CNTN5: variants seen among roughly 807,000 people sequenced by gnomAD.
CNTN5 encodes the protein contactin 5, also known as contactin-5.
In CNTN5, 77 loss-of-function variants were observed where a neutral mutation model predicts 129.1. The ratio of observed to expected loss-of-function variants is 0.60; its 90% confidence interval spans 0.50 to 0.72. The LOEUF is 0.72. Among genes scored for constraint, CNTN5 ranks in the 30% least tolerant of loss-of-function variants. The pLI, the probability that CNTN5 is intolerant of heterozygous loss-of-function variation, is 0.00. For synonymous variants in CNTN5, 509 were observed against 465.6 expected, an observed-to-expected ratio of 1.09 and a Z score of -1.20; for missense variants, 1,478 against 1,328.8, an observed-to-expected ratio of 1.11 and a Z score of -1.75.
intron 13 of CNTN5, among the ~76,000 whole-genome samples, chr11:100,132,905 A>G (rs1946418669): frequency 6.6e-6 from 1 of 152,110 alleles, no homozygotes; most frequent in South Asian, 2.1e-4. Flanking sequence ...GTGTTTTTGA[A>G]TTATGATTTG....
intron 18 of CNTN5, among the ~76,000 whole-genome samples, chr11:100,294,469 A>G (rs1286183960): frequency 6.6e-6 from 1 of 151,722 alleles, no homozygotes; most frequent in Non-Finnish European, 1.5e-5. Flanking sequence ...CAATTACATT[A>G]TCCACTAATG....
intron 3 of CNTN5, among the ~76,000 whole-genome samples, chr11:99,743,365 T>C (rs1482738733): frequency 6.6e-6 from 1 of 152,172 alleles, no homozygotes; most frequent in Non-Finnish European, 1.5e-5. Context: ...AGCATAATTT[T>C]GCTATTTGTC....
chr11:99,107,664 G>T (rs1867062000), intron 1 of CNTN5, among the ~76,000 whole-genome samples: 1 of 152,038 alleles, frequency 6.6e-6, no homozygotes, highest in Admixed American at 6.6e-5. Context: ...GGGCGCAGTG[G>T]CTCACACCTG....
chr11:99,796,649 C>T (rs1335271375), intron 3 of CNTN5, among the ~76,000 whole-genome samples: 2 of 151,612 alleles, frequency 1.3e-5, no homozygotes, highest in Non-Finnish European at 1.5e-5. Flanking sequence ...AGACAGGGGG[C>T]TGCTCTGGTA....
chr11:100,106,772 AAAT>A (rs928166422), intron 13 of CNTN5, among the ~76,000 whole-genome samples: 8 of 152,190 alleles, frequency 5.3e-5, no homozygotes, highest in South Asian at 4.1e-4. Flanking sequence ...GGACAAGAAG[AAAT>A]AATAATAATA....
chr11:99,856,256 T>C (rs956417280), intron 6 of CNTN5, among the ~76,000 whole-genome samples: 2 of 152,228 alleles, frequency 1.3e-5, no homozygotes, highest in East Asian at 3.9e-4. Flanking sequence ...ACAAGTCATC[T>C]TCTGCTTTTT....
chr11:99,657,560 A>G (rs561586852), intron 3 of CNTN5, among the ~76,000 whole-genome samples: 70 of 152,276 alleles, frequency 4.6e-4, no homozygotes, highest in African/African-American at 1.6e-3. Context: ...TTTATTTAAA[A>G]AAATATTTTA....
chr11:99,075,856 T>C (rs967700281), intron 1 of CNTN5, among the ~76,000 whole-genome samples: 2 of 152,186 alleles, frequency 1.3e-5, no homozygotes, highest in African/African-American at 4.8e-5. Context: ...TATTTTTATA[T>C]TTCCAAAAAA....
chr11:99,696,928 G>A (rs2134833798), intron 3 of CNTN5, among the ~76,000 whole-genome samples: 1 of 151,758 alleles, frequency 6.6e-6, no homozygotes, highest in African/African-American at 2.4e-5. Context: ...TAAAGACTAT[G>A]GATTAAAAAC....
intron 3 of CNTN5, among the ~76,000 whole-genome samples, chr11:99,610,289 T>C (rs1326182746): frequency 1.3e-5 from 2 of 152,136 alleles, no homozygotes; most frequent in African/African-American, 4.8e-5. Flanking sequence ...ATATCACTGA[T>C]GTAATGGCCT....
chr11:100,285,745 C>A (rs1950767643), intron 18 of CNTN5, among the ~76,000 whole-genome samples: 1 of 152,132 alleles, frequency 6.6e-6, no homozygotes, highest in Non-Finnish European at 1.5e-5. Flanking sequence ...AGGAAAAATA[C>A]TGAGGAGCCA....
At chr11:99,579,012 G>T (rs578237748) in intron 3 of CNTN5, among the ~76,000 whole-genome samples, 88 of 151,994 alleles carry the variant, frequency 5.8e-4, no homozygotes, top group African/African-American at 1.4e-3. Flanking sequence ...TTTGTATAAG[G>T]TGTAAGGAAG....
At chr11:100,028,433 A>G (rs754020009) in intron 9 of CNTN5, among the ~76,000 whole-genome samples, 1 of 152,208 alleles carries the variant, frequency 6.6e-6, no homozygotes, top group Admixed American at 6.5e-5. Flanking sequence ...AGTTACTATT[A>G]GATTTCTCCA....
intron 2 of CNTN5, among the ~76,000 whole-genome samples, chr11:99,473,588 G>C (rs1210020844): frequency 2.0e-5 from 3 of 151,280 alleles, no homozygotes; most frequent in Non-Finnish European, 4.4e-5. Context: ...CAAGATTCCT[G>C]TTCTCAACTT....
chr11:99,084,738 GA>G (rs554488416), intron 1 of CNTN5, among the ~76,000 whole-genome samples: 5 of 152,096 alleles, frequency 3.3e-5, no homozygotes, highest in South Asian at 2.1e-4. Flanking sequence ...TAAAGTGTGG[GA>G]AAAAAAGTGC....
chr11:99,550,527 T>G (rs866952461), intron 2 of CNTN5, among the ~76,000 whole-genome samples: 16 of 152,152 alleles, frequency 1.1e-4, no homozygotes, highest in Admixed American at 5.2e-4. Context: ...AGCTTCAGTC[T>G]TAGCAAAGAG....
At chr11:99,934,256 A>G (rs1190997844) in intron 7 of CNTN5, among the ~76,000 whole-genome samples, 1 of 152,166 alleles carries the variant, frequency 6.6e-6, no homozygotes. Context: ...GGTTATATTT[A>G]CTTGCTTTTT....
chr11:99,599,007 G>C (rs539224731), intron 3 of CNTN5, among the ~76,000 whole-genome samples: 1 of 152,128 alleles, frequency 6.6e-6, no homozygotes, highest in Non-Finnish European at 1.5e-5. Flanking sequence ...TTTGATATGA[G>C]AGCTAACATT....
chr11:100,299,193 G>A lies in CNTN5; in HGVS notation c.2417G>A (p.Gly806Asp). 6.2e-7 allele frequency: 1 copy of A among 1,607,834 alleles called. No homozygotes were observed. Among genetic ancestry groups the A allele is most frequent in the Non-Finnish European group, 8.5e-7 (1 of 1,176,142 alleles). Residue 806 changes from glycine to aspartate, a missense_variant, in exon 20 of 25, where the codon GGC becomes GAC. Transcript: ENST00000524871. ...TCTGAAGAGTTTCAGAATGGGGAAG[G>A]CTTCGGCTATATTGTGGCTTTCAGA... ...PVSEEFQNGE[G>D]FGYIVAFRPN...
Sources: gnomAD v4.1 joint callset for allele counts (sites outside exome capture counted in the v4.1 genomes callset) on GRCh38, gnomAD v4.1.1 for gene constraint, MANE v1.5 for transcripts, NCBI Gene and HGNC (gene_info 2026-07-23, HGNC 2026-07-21) for gene names.